The following GOLM2 variants were observed in gnomAD, a reference collection of about 807,000 sequenced individuals.
GOLM2 encodes protein GOLM2.
GOLM2 carries 26 observed loss-of-function variants against 55.9 expected under a neutral mutation model. The ratio of observed to expected loss-of-function variants is 0.47; its 90% CI spans 0.34 to 0.65. The LOEUF (loss-of-function observed/expected upper bound fraction) is 0.65. Among genes scored for constraint, GOLM2 ranks in the 30% least tolerant of loss-of-function variants. GOLM2 has a pLI of 0.01. For synonymous variants in GOLM2, 165 were observed against 194.6 expected (o/e 0.85, Z 1.27); for missense variants, 486 against 531.8 (o/e 0.91, Z 0.85).
At chr15:44,297,178 A>C (rs2078762134) in intron 1 of GOLM2, among the ~76,000 whole-genome samples, 1 of 152,218 alleles carries the variant, frequency 6.6e-6, no homozygotes, top group East Asian at 1.9e-4. Context: ...AAAAAACGTC[A>C]TTCTGACTGC....
At chr15:44,372,262 G>A (rs1329622490) in intron 6 of GOLM2, among the ~76,000 whole-genome samples, 1 of 152,170 alleles carries the variant, frequency 6.6e-6, no homozygotes, top group African/African-American at 2.4e-5. Context: ...TGTAATATTA[G>A]AATGCAGCCA....
intron 6 of GOLM2, among the ~76,000 whole-genome samples, chr15:44,345,189 A>G (rs2079115759): frequency 6.6e-6 from 1 of 151,358 alleles, no homozygotes; most frequent in African/African-American, 2.4e-5. Context: ...AGCTCACTGC[A>G]ACTGCCGCCT....
intron 1 of GOLM2, among the ~76,000 whole-genome samples, chr15:44,296,380 T>C (rs1190390031): frequency 6.6e-6 from 1 of 152,102 alleles, no homozygotes; most frequent in African/African-American, 2.4e-5. Flanking sequence ...CACACATCAG[T>C]TTTGAGGTTT....
At chr15:44,309,560 T>C (rs182993336) in intron 1 of GOLM2, among the ~76,000 whole-genome samples, 26 of 152,314 alleles carry the variant, frequency 1.7e-4, no homozygotes, top group East Asian at 7.7e-4. Context: ...CTAAAGACTT[T>C]TTTTTCTTTT....
At chr15:44,396,944 A>C (rs1304054163) in intron 8 of GOLM2, among the ~76,000 whole-genome samples, 1 of 152,202 alleles carries the variant, frequency 6.6e-6, no homozygotes, top group African/African-American at 2.4e-5. Flanking sequence ...GGATGAAGCT[A>C]TATTGTTGCT....
rs75176768 is a variant in GOLM2 at position 44,333,232 on chromosome 15, A to G, written c.576+1154A>G. Among the ~76,000 whole-genome samples the G allele has an allele frequency of 3.6e-3, 553 of 152,310 alleles. 22 individuals are homozygous for G. In the East Asian group the frequency reaches 0.086, roughly 24 times the overall value. On this transcript the variant is annotated intron_variant, in intron 4 of 9. Coordinates refer to ENST00000299957, the MANE Select transcript of GOLM2 (RefSeq NM_138423.4). ...CAGGCATGAGCCACCGCGCACAGCC[A>G]ATTCATTTTTTTATACCTTGTAATC...
chr15:44,329,537 G>A (rs1016219738), intron 3 of GOLM2, among the ~76,000 whole-genome samples: 14 of 152,130 alleles, frequency 9.2e-5, no homozygotes, highest in African/African-American at 3.4e-4. Context: ...GCATATTAAT[G>A]TACCAAAACT....
At chr15:44,315,846 A>G (rs902091992) in intron 1 of GOLM2, among the ~76,000 whole-genome samples, 1 of 152,244 alleles carries the variant, frequency 6.6e-6, no homozygotes, top group Non-Finnish European at 1.5e-5. Flanking sequence ...GGCGATAACA[A>G]GGGGAAATAA....
intron 1 of GOLM2, among the ~76,000 whole-genome samples, chr15:44,310,436 C>G (rs2078865533): frequency 7.0e-6 from 1 of 143,372 alleles, no homozygotes; most frequent in Non-Finnish European, 1.5e-5. Context: ...GAGAGTCTCT[C>G]TTTCTCTCTC....
At chr15:44,387,724 G>A (rs2141199928) in intron 8 of GOLM2, among the ~76,000 whole-genome samples, 1 of 150,924 alleles carries the variant, frequency 6.6e-6, no homozygotes, top group South Asian at 2.1e-4. Flanking sequence ...TCGCGATACT[G>A]TACTCCAGCC....
chr15:44,292,220 C>CA (rs200049402), intron 1 of GOLM2, among the ~76,000 whole-genome samples: 4,851 of 141,852 alleles, frequency 0.034, 284 homozygotes, highest in African/African-American at 0.12. Flanking sequence ...TTTTTTTAGA[C>CA]AGAGTCTCGC....
intron 1 of GOLM2, among the ~76,000 whole-genome samples, chr15:44,319,017 A>G (rs1333326625): frequency 6.6e-6 from 1 of 152,176 alleles, no homozygotes; most frequent in East Asian, 1.9e-4. Context: ...CATATCAGTC[A>G]TCATCATCAT....
In GOLM2 at chr15:44,414,529, A is replaced by G. The variant is rs1281746945; in HGVS notation, c.*1123A>G. 2 of 152,218 alleles carry G rather than the reference A, an allele frequency of 1.3e-5. No homozygotes were observed. The highest frequency in any genetic ancestry group is 4.1e-4 in the South Asian group (2 of 4,832). 9.4% of individuals were successfully genotyped at this position (152,218 alleles called of 1,614,324 possible). A position where few individuals can be genotyped will look rare whatever the true frequency, so the allele number is the denominator to read the frequency against. On this transcript the variant is annotated 3_prime_UTR_variant, in exon 10 of 10. Transcript: ENST00000299957. ...ATATTTTCAGAGTTGAAGTTGGTGA[A>G]GACATTCATGATTTAAACACCAGAT... is the stretch of plus-strand genomic sequence containing the variant.
chr15:44,302,671 T>G (rs923082065), intron 1 of GOLM2, among the ~76,000 whole-genome samples: 3 of 151,798 alleles, frequency 2.0e-5, no homozygotes, highest in Non-Finnish European at 4.4e-5. Context: ...TTATTTTTTT[T>G]GTAGAGATGG....
chr15:44,335,704 G>C (rs957390928), intron 4 of GOLM2, among the ~76,000 whole-genome samples: 20 of 151,688 alleles, frequency 1.3e-4, no homozygotes, highest in African/African-American at 4.8e-4. Context: ...TATCAGAATT[G>C]ATTATAGCTT....
intron 2 of GOLM2, among the ~76,000 whole-genome samples, 189 bp from the exon 3 acceptor site, chr15:44,328,496 A>G (rs1348570922): frequency 4.6e-5 from 7 of 152,260 alleles, no homozygotes; most frequent in Middle Eastern, 6.8e-3. Context: ...AAATGAATAA[A>G]TTTTATTGAC....
chr15:44,341,423 C>T lies in GOLM2; in HGVS notation c.802+3106C>T, dbSNP rs202150961. Reference sequence around the variant, plus strand: ...AAGTTAAAATTTTATCATTATTACTCTAAATGTGTAATGTCTCCATTTATT... The same window carrying T: ...AAGTTAAAATTTTATCATTATTACTTTAAATGTGTAATGTCTCCATTTATT... On this transcript the variant is annotated intron_variant, in intron 6 of 9. Transcript: ENST00000299957. 1.1e-4 allele frequency among the ~76,000 whole-genome samples: 16 copies of T among 152,088 alleles called. No individual in the cohort carries two copies. The East Asian group carries it at 2.9e-3, about 28-fold the overall frequency.
At chr15:44,302,365 A>G (rs2078804711) in intron 1 of GOLM2, among the ~76,000 whole-genome samples, 1 of 151,592 alleles carries the variant, frequency 6.6e-6, no homozygotes, top group Non-Finnish European at 1.5e-5. Flanking sequence ...GGCTGGTCTC[A>G]AACTCCTGGC....
chr15:44,302,887 G>A (rs897304587), intron 1 of GOLM2, among the ~76,000 whole-genome samples: 4 of 152,004 alleles, frequency 2.6e-5, no homozygotes, highest in African/African-American at 4.8e-5. Context: ...GGCGTATCAC[G>A]AGGTCCAGAG....
Sources: gnomAD v4.1 joint callset for allele counts (sites outside exome capture counted in the v4.1 genomes callset) on GRCh38, gnomAD v4.1.1 for gene constraint, MANE v1.5 for transcripts, NCBI Gene and HGNC (gene_info 2026-07-23, HGNC 2026-07-21) for gene names.